SEC31A: variants seen among roughly 807,000 people sequenced by gnomAD.
SEC31A encodes the protein SEC31 homolog A, COPII component.
SEC31A carries 70 observed loss-of-function variants against 151.0 expected under a neutral mutation model. The ratio of observed to expected loss-of-function variants is 0.46; its 90% CI spans 0.38 to 0.57. SEC31A has a LOEUF of 0.57. SEC31A is among the 20% of genes least tolerant of loss of function. SEC31A has a pLI of 0.00. For missense variants in SEC31A, 1,330 were observed against 1,471.2 expected (o/e 0.90, Z 1.57); for synonymous variants, 475 against 505.9 (o/e 0.94, Z 0.82).
rs768372403 is a variant in SEC31A, at chr4:82,842,427, C to G, written c.2681G>C (p.Arg894Pro). The change falls in exon 22 of 27, where the codon CGA (arginine) becomes CCA (proline). Residue 894 changes from arginine (R) to proline (P), a missense_variant. Transcript: ENST00000395310. ...PFGTGGSAMY[R>P]PQQPVAPPTS... ...AGGAGGAGCAACAGGCTGCTGAGGT[C>G]GATACATTGCTGACCCCCCTGTTCC... 1 of 1,613,780 alleles carries G rather than the reference C, an allele frequency of 6.2e-7. No homozygotes were observed. The highest frequency in any genetic ancestry group is 2.2e-5 in the East Asian group (1 of 44,870).
chr4:82,866,909 G>A lies in SEC31A; in HGVS notation c.1096C>T (p.Pro366Ser), dbSNP rs1424289359. 6.2e-7 allele frequency: 1 copy of A among 1,614,140 alleles called. No homozygotes were observed. The highest frequency in any genetic ancestry group is 8.5e-7 in the Non-Finnish European group (1 of 1,179,998). Residue 366 changes from proline to serine, a missense_variant, in exon 10 of 27, where the codon CCT becomes TCT. Physicochemically the swap from Pro to Ser is moderately conservative, Grantham distance 74. Coordinates refer to ENST00000395310, the MANE Select transcript of SEC31A (RefSeq NM_001077207.4). Reference protein sequence around the residue: ...LDPFGTGQPLPPLQIPQQTAQ... With the variant: ...LDPFGTGQPLSPLQIPQQTAQ... ...GTCTGCTGTGGAATTTGTAACGGAG[G>A]AAGGGGCTGTCCTGTGCCAAAGGGA...
chr4:82,884,333 CTT>C (rs1477734683), intron 1 of SEC31A, among the ~76,000 whole-genome samples: 1 of 151,846 alleles, frequency 6.6e-6, no homozygotes, highest in East Asian at 1.9e-4. Context: ...TATCTTTTGA[CTT>C]TGCTTTTTTC....
intron 20 of SEC31A, 80 bp from the exon 21 acceptor site, chr4:82,844,589 T>C: frequency 7.2e-7 from 1 of 1,380,408 alleles, no homozygotes; most frequent in Non-Finnish European, 1.0e-6. Context: ...ATCTCTGAAA[T>C]GGAATTCTAT....
rs764133561 is a variant in SEC31A at position 82,881,876 on chromosome 4, G to T, written c.61C>A (p.Pro21Thr). Residue 21 changes from proline to threonine, a missense_variant, in exon 2 of 27, where the codon CCC becomes ACC. By Grantham distance (38) the Pro-to-Thr change is conservative. Transcript: ENST00000395310. ...AACTTACCTGTTGCTAGGTAAATGG[G>T]GTGATTCTGGGCAGGGCTCCATGCC... ...MQAWSPAQNH[P>T]IYLATGTSAQ... 5.0e-6 allele frequency: 8 copies of T among 1,613,728 alleles called. No individual in the cohort carries two copies. Among genetic ancestry groups the T allele is most frequent in the Non-Finnish European group, 6.8e-6 (8 of 1,179,748 alleles).
At chr4:82,888,373 A>AC (rs1741345064) in intron 1 of SEC31A, among the ~76,000 whole-genome samples, 4 of 31,102 alleles carry the variant, frequency 1.3e-4, no homozygotes, top group South Asian at 1.0e-3. Context: ...AAAAAAAAAA[A>AC]CACACAAAAA....
rs1432563920 is a variant in SEC31A, at chr4:82,878,925, G to A, written c.207C>T (p.Tyr69=). Residue 69 remains tyrosine (Y), a synonymous_variant, in exon 4 of 27, where the codon TAC becomes TAT. Transcript: ENST00000395310. The part of the protein sequence containing the change: ...SCATFSSSHR[Y]HKLIWGPYKM... ...TATAAGGCCCCCAAATCAACTTGTGGTACCTACAGGAGAAAATGAATAAAA... is the reference window on the plus strand; with the variant it reads ...TATAAGGCCCCCAAATCAACTTGTGATACCTACAGGAGAAAATGAATAAAA... 5 of 1,610,022 alleles carry A rather than the reference G, an allele frequency of 3.1e-6. No individual in the cohort carries two copies. The Admixed American group carries it at 6.7e-5, about 21-fold the overall frequency.
rs1719569132 is a variant in SEC31A, at chr4:82,890,855, G to A, written c.-5+233C>T. ...CTGTCGCCAGCCTCGGGTGGCTTTT[G>A]CTCAGCAGTGGAGACGTCGGCGAAT... On this transcript the variant is annotated intron_variant, in intron 1 of 26. Transcript: ENST00000395310. The A allele has an allele frequency of 3.0e-6, 4 of 1,352,636 alleles. 1 individual carries two copies. The Admixed American group carries it at 1.1e-4, about 36-fold the overall frequency. The allele number at this position is 1,352,636 out of a possible 1,614,324, so 83.8% of individuals were successfully genotyped here. A position where few individuals can be genotyped will look rare whatever the true frequency, so the allele number is the denominator to read the frequency against.
upstream of SEC31A, among the ~76,000 whole-genome samples, chr4:82,892,539 T>C (rs1719862999): frequency 6.6e-6 from 1 of 152,256 alleles, no homozygotes; most frequent in Non-Finnish European, 1.5e-5. Flanking sequence ...TGTCCTTTGT[T>C]GACCAATTAC....
At chr4:82,863,519 G>A (rs1005739912) in intron 11 of SEC31A, 127 bp from the exon 12 acceptor site, 1 of 557,012 alleles carries the variant, frequency 1.8e-6, no homozygotes, top group Non-Finnish European at 3.0e-6. Context: ...AAGATTCACT[G>A]TTTGAAGGAA....
chr4:82,842,598 A>T, intron 21 of SEC31A, 117 bp from the exon 22 acceptor site: 1 of 802,388 alleles, frequency 1.2e-6, no homozygotes, highest in Non-Finnish European at 1.9e-6. Flanking sequence ...ATAAGTTACA[A>T]TCCCAAATTA....
At position 82,864,410 on chromosome 4, in the gene SEC31A, A is replaced by G. The variant is rs747367609; in HGVS notation, c.1386T>C (p.Ile462=). ...TCTCAAATTCAGTCTGAGAAGCATC[A>G]ATTTTTTTTTGGCAATAATTGATAA... ...QGFINYCQKK[I]DASQTEFEKN... is the part of the protein sequence containing the mutation. Residue 462 remains isoleucine (I), a synonymous_variant, in exon 11 of 27, where the codon ATT becomes ATC. Transcript: ENST00000395310. The G allele has an allele frequency of 1.9e-6, 3 of 1,614,178 alleles. No individual in the cohort carries two copies. The highest frequency in any genetic ancestry group is 1.7e-6 in the Non-Finnish European group (2 of 1,179,986).
At chr4:82,845,465 AC>A (rs890606410) in intron 20 of SEC31A, among the ~76,000 whole-genome samples, 3 of 152,106 alleles carry the variant, frequency 2.0e-5, no homozygotes, top group African/African-American at 7.2e-5. Flanking sequence ...TCCCAAAAAA[AC>A]AAAACAAAAC....
intron 10 of SEC31A, among the ~76,000 whole-genome samples, chr4:82,865,718 G>C (rs923116848): frequency 6.6e-6 from 1 of 151,994 alleles, no homozygotes; most frequent in Non-Finnish European, 1.5e-5. Flanking sequence ...CCATTTATAT[G>C]AGTAATTTAA....
At chr4:82,864,122 A>C (rs1734768024) in intron 11 of SEC31A, among the ~76,000 whole-genome samples, 3 of 152,256 alleles carry the variant, frequency 2.0e-5, no homozygotes, top group South Asian at 4.1e-4. Flanking sequence ...AAACAGACCT[A>C]TTATTATTTT....
At position 82,829,451 on chromosome 4, in the gene SEC31A, A is replaced by G. The variant is rs1468718182; in HGVS notation, c.2969-393T>C. 6 of 158,470 alleles carry G rather than the reference A, an allele frequency of 3.8e-5. No homozygotes were observed. In the East Asian group the frequency reaches 1.1e-3, roughly 29 times the overall value. The allele number at this position is 158,470 out of a possible 1,614,324, so 9.8% of individuals were successfully genotyped here. ...AAAAAAAACACACCAGGCTTCTGATATATTCAACATATAAAAAAAAAGAGA... is the reference window on the plus strand; with the variant it reads ...AAAAAAAACACACCAGGCTTCTGATGTATTCAACATATAAAAAAAAAGAGA... On this transcript the variant is annotated intron_variant, in intron 22 of 26. Transcript: ENST00000395310.
chr4:82,882,278 C>T (rs957898750), intron 1 of SEC31A, among the ~76,000 whole-genome samples: 1 of 151,926 alleles, frequency 6.6e-6, no homozygotes, highest in Non-Finnish European at 1.5e-5. Context: ...TGGCGGGCAC[C>T]TGTAGTCCCA....
chr4:82,889,430 C>T (rs1741728329), intron 1 of SEC31A, among the ~76,000 whole-genome samples: 1 of 151,734 alleles, frequency 6.6e-6, no homozygotes, highest in African/African-American at 2.4e-5. Context: ...GTGCATATTC[C>T]TAGCTACTTC....
At chr4:82,845,105 G>T in intron 20 of SEC31A, 1 of 775,546 alleles carries the variant, frequency 1.3e-6, no homozygotes, top group Non-Finnish European at 2.1e-6. Context: ...GATGGGGAGT[G>T]GGGGTGAAAG....
intron 20 of SEC31A, 86 bp downstream of exon 20, chr4:82,848,718 G>T: frequency 8.8e-7 from 1 of 1,131,870 alleles, no homozygotes; most frequent in Non-Finnish European, 1.3e-6. Flanking sequence ...CCATATCAGA[G>T]AAGGTCTCCT....
Sources: allele counts gnomAD v4.1 joint callset (sites outside exome capture counted in the v4.1 genomes callset), GRCh38; gene constraint gnomAD v4.1.1; transcripts MANE v1.5; gene names NCBI Gene and HGNC (gene_info 2026-07-23, HGNC 2026-07-21).